TASP1: variants seen among roughly 807,000 people sequenced by gnomAD.
TASP1 encodes taspase 1, also known as threonine aspartase 1.
TASP1 carries 16 observed loss-of-function variants against 56.6 expected under a neutral mutation model. The observed-to-expected ratio is 0.28, with a 90% CI of 0.19 to 0.43. The LOEUF (loss-of-function observed/expected upper bound fraction) is 0.43, where lower values mean the gene tolerates loss of function less well. TASP1 is among the 20% of genes least tolerant of loss of function. The pLI is 1.00. For synonymous variants in TASP1, 179 were observed against 184.2 expected, an observed-to-expected ratio of 0.97 and a Z score of 0.23; for missense variants, 393 against 511.6, an observed-to-expected ratio of 0.77 and a Z score of 2.24.
At chr20:13,206,867 T>G in the TASP1 span, among the ~76,000 whole-genome samples, 1 of 152,196 alleles carries the variant, frequency 6.6e-6, no homozygotes, top group Non-Finnish European at 1.5e-5. Context: ...GGTTGGTGAA[T>G]GCACACATAG....
intron 13 of TASP1, among the ~76,000 whole-genome samples, chr20:13,397,254 T>C (rs2041576411): frequency 6.6e-6 from 1 of 152,254 alleles, no homozygotes; most frequent in East Asian, 1.9e-4. Context: ...TCGCTCTAAG[T>C]GCAATTATGT....
At chr20:13,597,606 C>T (rs6105138) in intron 4 of TASP1, among the ~76,000 whole-genome samples, 1 of 152,206 alleles carries the variant, frequency 6.6e-6, no homozygotes, top group Non-Finnish European at 1.5e-5. Context: ...GAAGCATTCC[C>T]TTTGAAAACT....
At chr20:13,184,819 G>A in the TASP1 span, among the ~76,000 whole-genome samples, 4,126 of 152,138 alleles carry the variant, frequency 0.027, 191 homozygotes, top group African/African-American at 0.094. Flanking sequence ...TCCACAGCTG[G>A]AATCAAGCCC....
chr20:13,547,195 T>C (rs1385819162), intron 8 of TASP1, among the ~76,000 whole-genome samples: 1 of 152,170 alleles, frequency 6.6e-6, no homozygotes, highest in Non-Finnish European at 1.5e-5. Flanking sequence ...AATAACCACA[T>C]ACACCAACCT....
chr20:13,605,620 A>G (rs773395468), intron 4 of TASP1, among the ~76,000 whole-genome samples: 3 of 152,066 alleles, frequency 2.0e-5, no homozygotes, highest in Non-Finnish European at 4.4e-5. Context: ...TCTAAGCTGC[A>G]GTAAGCTATG....
intron 12 of TASP1, among the ~76,000 whole-genome samples, chr20:13,419,613 T>TC (rs1393826985): frequency 5.3e-5 from 8 of 152,050 alleles, no homozygotes; most frequent in Admixed American, 2.0e-4. Flanking sequence ...CTAAACCCTG[T>TC]CCCCCAGGCC....
At chr20:13,622,996 T>C (rs950354258) in intron 4 of TASP1, among the ~76,000 whole-genome samples, 21 of 152,150 alleles carry the variant, frequency 1.4e-4, no homozygotes, top group African/African-American at 5.1e-4. Flanking sequence ...ACCATAACAC[T>C]GGGACAAGGC....
the TASP1 span, among the ~76,000 whole-genome samples, chr20:13,217,922 G>C: frequency 6.6e-6 from 1 of 152,180 alleles, no homozygotes; most frequent in South Asian, 2.1e-4. Context: ...CTCAATTTGA[G>C]TTCCTTTCAC....
At chr20:13,405,375 CCT>C (rs1396119970) in intron 13 of TASP1, among the ~76,000 whole-genome samples, 1 of 152,130 alleles carries the variant, frequency 6.6e-6, no homozygotes, top group Non-Finnish European at 1.5e-5. Flanking sequence ...ATTTAAATTT[CCT>C]CTTTCATTTT....
chr20:13,312,833 T>C, the TASP1 span, among the ~76,000 whole-genome samples: 1 of 152,182 alleles, frequency 6.6e-6, no homozygotes, highest in East Asian at 1.9e-4. Context: ...CAAGAGTAGA[T>C]CCGTATTTAA....
chr20:13,397,305 CAAT>C (rs2041578784), intron 13 of TASP1, among the ~76,000 whole-genome samples: 1 of 152,126 alleles, frequency 6.6e-6, no homozygotes, highest in Admixed American at 6.5e-5. Flanking sequence ...GAAATCTTAA[CAAT>C]AAGTCCCTAT....
intron 11 of TASP1, among the ~76,000 whole-genome samples, chr20:13,437,947 T>C (rs73610474): frequency 1.3e-5 from 2 of 152,108 alleles, no homozygotes; most frequent in East Asian, 1.9e-4. Context: ...AGGTAATTTA[T>C]AGATTCAATG....
intron 2 of TASP1, among the ~76,000 whole-genome samples, chr20:13,629,191 C>T (rs2048999137): frequency 6.6e-6 from 1 of 151,940 alleles, no homozygotes; most frequent in Admixed American, 6.5e-5. Flanking sequence ...TATGGTGAAA[C>T]CCCATCTACT....
At chr20:13,488,628 T>C (rs1215106987) in intron 10 of TASP1, among the ~76,000 whole-genome samples, 2 of 152,162 alleles carry the variant, frequency 1.3e-5, no homozygotes, top group Admixed American at 1.3e-4. Context: ...TCTAGATGAT[T>C]CTCCCGATAT....
At chr20:13,528,343 G>T in intron 10 of TASP1, 90 bp downstream of exon 10, 2 of 1,101,792 alleles carry the variant, frequency 1.8e-6, no homozygotes, top group East Asian at 2.6e-5. Context: ...CATAGCACAT[G>T]TTCTATGTTT....
the TASP1 span, among the ~76,000 whole-genome samples, chr20:13,135,254 C>G: frequency 1.5e-4 from 23 of 152,166 alleles, no homozygotes; most frequent in Non-Finnish European, 2.6e-4. Flanking sequence ...GGCAACACTG[C>G]TAGGTGTTGA....
chr20:13,410,228 A>C (rs1301479864), intron 13 of TASP1, among the ~76,000 whole-genome samples: 1 of 152,144 alleles, frequency 6.6e-6, no homozygotes, highest in Non-Finnish European at 1.5e-5. Flanking sequence ...TCATCTGTTC[A>C]TATATTTTTA....
the TASP1 span, chr20:13,166,503 C>T: frequency 2.0e-5 from 3 of 152,154 alleles, no homozygotes; most frequent in Admixed American, 1.3e-4. Context: ...AATGCAGTTT[C>T]CCATCCAATG....
intron 1 of TASP1, among the ~76,000 whole-genome samples, chr20:13,630,907 C>T (rs1366651823): frequency 1.3e-5 from 2 of 151,964 alleles, no homozygotes; most frequent in Non-Finnish European, 2.9e-5. Flanking sequence ...GTGTAGTTTT[C>T]ACAATTCTTT....
Sources: gnomAD v4.1 joint callset for allele counts (sites outside exome capture counted in the v4.1 genomes callset) on GRCh38, gnomAD v4.1.1 for gene constraint, MANE v1.5 for transcripts, NCBI Gene and HGNC (gene_info 2026-07-23, HGNC 2026-07-21) for gene names.